The following SYN2 variants were observed in gnomAD, a reference collection of about 807,000 sequenced individuals.
SYN2 encodes the protein synapsin-2.
A neutral mutation model predicts 50.9 loss-of-function variants in SYN2; 19 were observed. The observed-to-expected ratio is 0.37, with a 90% confidence interval of 0.26 to 0.55. The LOEUF is 0.55. Ranked by LOEUF, SYN2 falls within the 20% of genes least tolerant of loss-of-function variation. The pLI is 0.81. For synonymous variants in SYN2, 255 were observed against 224.9 expected, an observed-to-expected ratio of 1.13 and a Z score of -1.20; for missense variants, 587 against 576.4, an observed-to-expected ratio of 1.02 and a Z score of -0.19.
intron 1 of SYN2, among the ~76,000 whole-genome samples, chr3:12,056,004 C>T (rs1304325845): frequency 2.6e-5 from 4 of 152,146 alleles, no homozygotes; most frequent in Non-Finnish European, 5.9e-5. Context: ...TGGAGAAAGA[C>T]GATCTTCCTG....
chr3:12,142,336 G>GTT (rs1401921056), intron 3 of SYN2, among the ~76,000 whole-genome samples: 9 of 152,160 alleles, frequency 5.9e-5, no homozygotes, highest in African/African-American at 1.9e-4. Flanking sequence ...GGAAAACAGA[G>GTT]TTCCATTGCT....
At chr3:12,070,012 T>G (rs1695309751) in intron 1 of SYN2, among the ~76,000 whole-genome samples, 1 of 151,898 alleles carries the variant, frequency 6.6e-6, no homozygotes, top group Non-Finnish European at 1.5e-5. Flanking sequence ...TTGCCCAGGT[T>G]GGTCTCGAAT....
At chr3:12,182,035 G>GC (rs1392482852) in intron 10 of SYN2, among the ~76,000 whole-genome samples, 1 of 152,126 alleles carries the variant, frequency 6.6e-6, no homozygotes. Context: ...CATTTCAAAG[G>GC]CCCCCCTCCC....
chr3:12,096,416 A>AC (rs1312259259), intron 1 of SYN2, among the ~76,000 whole-genome samples: 5 of 152,172 alleles, frequency 3.3e-5, no homozygotes, highest in Non-Finnish European at 5.9e-5. Context: ...TGTTCTGAGA[A>AC]CCAGTCCAGA....
At chr3:12,034,809 A>G (rs1694460437) in intron 1 of SYN2, among the ~76,000 whole-genome samples, 1 of 152,226 alleles carries the variant, frequency 6.6e-6, no homozygotes, top group African/African-American at 2.4e-5. Flanking sequence ...TTTGGGAGAC[A>G]CACTCAAACC....
At chr3:12,098,116 C>G (rs1188055932) in intron 1 of SYN2, among the ~76,000 whole-genome samples, 1 of 152,128 alleles carries the variant, frequency 6.6e-6, no homozygotes, top group Non-Finnish European at 1.5e-5. Flanking sequence ...AACCCAAAGT[C>G]AGTCTTGAAA....
At chr3:12,176,924 T>C (rs1019190945) in intron 10 of SYN2, among the ~76,000 whole-genome samples, 4 of 152,120 alleles carry the variant, frequency 2.6e-5, no homozygotes, top group Admixed American at 6.6e-5. Flanking sequence ...GTTGCTGATG[T>C]TCAAGCAGGA....
At chr3:12,039,549 A>ATTTTTTTTT (rs60746238) in intron 1 of SYN2, among the ~76,000 whole-genome samples, 10 of 118,008 alleles carry the variant, frequency 8.5e-5, no homozygotes, top group East Asian at 2.8e-4. Context: ...AGAAGCAAAG[A>ATTTTTTTTT]TTTTTTTTTT....
At chr3:12,052,413 A>T (rs527559046) in intron 1 of SYN2, among the ~76,000 whole-genome samples, 1 of 152,242 alleles carries the variant, frequency 6.6e-6, no homozygotes, top group East Asian at 1.9e-4. Context: ...CTCAAGATTT[A>T]TAAAGTTACA....
chr3:12,095,939 T>G (rs1052337263), intron 1 of SYN2, among the ~76,000 whole-genome samples: 1 of 152,158 alleles, frequency 6.6e-6, no homozygotes, highest in East Asian at 1.9e-4. Flanking sequence ...GCAGTTCTTA[T>G]GTACGCATCC....
intron 1 of SYN2, among the ~76,000 whole-genome samples, chr3:12,038,789 A>G (rs1285026810): frequency 6.6e-6 from 1 of 152,294 alleles, no homozygotes; most frequent in South Asian, 2.1e-4. Flanking sequence ...CTCATTTATT[A>G]GCTCTAAGAG....
chr3:12,063,878 C>T (rs1379406204), intron 1 of SYN2, among the ~76,000 whole-genome samples: 1 of 151,862 alleles, frequency 6.6e-6, no homozygotes, highest in African/African-American at 2.4e-5. Flanking sequence ...GGATAATTTC[C>T]AATTTATGTA....
At chr3:12,137,543 C>CT (rs942805479) in intron 1 of SYN2, among the ~76,000 whole-genome samples, 1 of 152,158 alleles carries the variant, frequency 6.6e-6, no homozygotes, top group African/African-American at 2.4e-5. Flanking sequence ...AACTAGAAAT[C>CT]TAATGTGCTC....
intron 1 of SYN2, among the ~76,000 whole-genome samples, chr3:12,121,104 T>A (rs1473590967): frequency 6.6e-6 from 1 of 152,196 alleles, no homozygotes; most frequent in Non-Finnish European, 1.5e-5. Context: ...CTCCTAACCT[T>A]TACTTCACTT....
In SYN2 at chr3:12,085,243, A is replaced by G. The variant is rs115379462; in HGVS notation, c.378-55408A>G. Among the ~76,000 whole-genome samples, 722 of 152,232 alleles carry G rather than the reference A, an allele frequency of 4.7e-3. 5 individuals carry two copies. Among genetic ancestry groups the G allele is most frequent in the African/African-American group, 0.017 (687 of 41,536 alleles). ...AATAGCTATACTTACATCAGACAAA[A>G]TAGACTTTAATTCAAAAACTGTAAA... On this transcript the variant is annotated intron_variant, in intron 1 of 12. Coordinates refer to ENST00000621198, the MANE Select transcript of SYN2 (RefSeq NM_133625.6).
At chr3:12,125,794 A>G (rs1182530420) in intron 1 of SYN2, among the ~76,000 whole-genome samples, 1 of 151,910 alleles carries the variant, frequency 6.6e-6, no homozygotes, top group Admixed American at 6.6e-5. Flanking sequence ...AGCAAGCTTC[A>G]AAATGGCAAA....
chr3:12,108,079 A>G lies in SYN2; in HGVS notation c.378-32572A>G, dbSNP rs570420893. Reference sequence around the variant, plus strand: ...TAAAACATTAGCTGGGCATGGTGGCATGTGCCTGTGGTCCCAGTTACTCAG... The same window carrying G: ...TAAAACATTAGCTGGGCATGGTGGCGTGTGCCTGTGGTCCCAGTTACTCAG... On this transcript the variant is annotated intron_variant, in intron 1 of 12. Transcript: ENST00000621198. Among the ~76,000 whole-genome samples the G allele has an allele frequency of 1.2e-3, 180 of 152,254 alleles. 1 individual carries two copies. The highest frequency in any genetic ancestry group is 4.2e-3 in the African/African-American group (176 of 41,542).
At chr3:12,081,733 A>C (rs1158555943) in intron 1 of SYN2, among the ~76,000 whole-genome samples, 1 of 152,124 alleles carries the variant, frequency 6.6e-6, no homozygotes. Flanking sequence ...CTCTTCCACC[A>C]ATCCTCAGGT....
intron 11 of SYN2, among the ~76,000 whole-genome samples, chr3:12,186,066 G>A (rs1001632643): frequency 1.3e-5 from 2 of 152,178 alleles, no homozygotes; most frequent in African/African-American, 4.8e-5. Flanking sequence ...GGAACTGAGC[G>A]GATAGTCATG....
Sources: allele counts gnomAD v4.1 joint callset (sites outside exome capture counted in the v4.1 genomes callset), GRCh38; gene constraint gnomAD v4.1.1; transcripts MANE v1.5; gene names NCBI Gene and HGNC (gene_info 2026-07-23, HGNC 2026-07-21).